The following SLC25A13 variants were observed in gnomAD, a reference collection of about 807,000 sequenced individuals.
SLC25A13 encodes electrogenic aspartate/glutamate antiporter SLC25A13, mitochondrial.
A neutral mutation model predicts 85.5 loss-of-function variants in SLC25A13; 70 were observed. The ratio of observed to expected loss-of-function variants is 0.82; its 90% CI spans 0.68 to 1.00. The LOEUF (loss-of-function observed/expected upper bound fraction) is 1.00. Among genes scored for constraint, SLC25A13 ranks in the 50% least tolerant of loss-of-function variants. The probability of loss-of-function intolerance (pLI) is 0.00; values close to 1 mark genes in which losing one functional copy is unlikely to be tolerated. For missense variants in SLC25A13, 765 were observed against 819.8 expected (o/e 0.93, Z 0.82); for synonymous variants, 259 against 288.7 (o/e 0.90, Z 1.04).
At chr7:96,142,643 T>C (rs1375124877) in intron 14 of SLC25A13, among the ~76,000 whole-genome samples, 4 of 152,192 alleles carry the variant, frequency 2.6e-5, no homozygotes, top group Non-Finnish European at 5.9e-5. Context: ...GATATATTAA[T>C]ATAAAATCTT....
At chr7:96,142,892 A>C (rs1273657345) in intron 14 of SLC25A13, among the ~76,000 whole-genome samples, 1 of 152,258 alleles carries the variant, frequency 6.6e-6, no homozygotes, top group Non-Finnish European at 1.5e-5. Flanking sequence ...TCATTTATAC[A>C]CACATTATAG....
intron 2 of SLC25A13, among the ~76,000 whole-genome samples, chr7:96,292,344 G>A (rs956245055): frequency 2.0e-5 from 3 of 152,108 alleles, no homozygotes; most frequent in Non-Finnish European, 2.9e-5. Flanking sequence ...GCAAAAACTG[G>A]AAGCATTCCC....
chr7:96,151,368 C>G lies in SLC25A13; in HGVS notation c.1312-4672G>C, dbSNP rs183138301. Among the ~76,000 whole-genome samples, 178 of 152,160 alleles carry G rather than the reference C, an allele frequency of 1.2e-3. 1 individual carries two copies. Among genetic ancestry groups the G allele is most frequent in the African/African-American group, 3.9e-3 (164 of 41,526 alleles). ...ATCCCAGCACTTTGGGAGACCAAGG[C>G]AGGTGGATCACCTGAGGTCAGGAGT... On this transcript the variant is annotated intron_variant, in intron 13 of 17. Transcript: ENST00000265631.
intron 1 of SLC25A13, among the ~76,000 whole-genome samples, chr7:96,300,738 C>T (rs1799520247): frequency 6.6e-6 from 1 of 152,178 alleles, no homozygotes; most frequent in Non-Finnish European, 1.5e-5. Flanking sequence ...CAAGATTTCT[C>T]TGAGGCCCAC....
At chr7:96,283,501 C>A in intron 2 of SLC25A13, 1 of 399,302 alleles carries the variant, frequency 2.5e-6, no homozygotes, top group Non-Finnish European at 4.9e-6. Context: ...GAGTACTGTT[C>A]AAAAAGGAAT....
chr7:96,147,489 T>C (rs756031961), intron 13 of SLC25A13, among the ~76,000 whole-genome samples: 4 of 152,222 alleles, frequency 2.6e-5, no homozygotes, highest in Non-Finnish European at 4.4e-5. Flanking sequence ...AAGTACACTA[T>C]AAGGGAAATT....
intron 13 of SLC25A13, among the ~76,000 whole-genome samples, chr7:96,162,926 C>T (rs1056093713): frequency 5.9e-5 from 9 of 152,082 alleles, no homozygotes; most frequent in African/African-American, 1.2e-4. Context: ...TGAGTTTCTG[C>T]CCCCTGCTAC....
At chr7:96,160,348 G>A (rs919560347) in intron 13 of SLC25A13, among the ~76,000 whole-genome samples, 10 of 152,214 alleles carry the variant, frequency 6.6e-5, no homozygotes, top group Non-Finnish European at 1.2e-4. Context: ...TGACATTTCT[G>A]AGCCACTGAA....
chr7:96,155,892 C>T (rs1477608728), intron 13 of SLC25A13, among the ~76,000 whole-genome samples: 1 of 152,224 alleles, frequency 6.6e-6, no homozygotes, highest in African/African-American at 2.4e-5. Context: ...GCAGAGACTT[C>T]TCTTCAAGGT....
In SLC25A13 at chr7:96,162,609, T is replaced by G. The variant is rs1253165972; in HGVS notation, c.1311+7436A>C. Reference sequence around the variant, plus strand: ...AACTGAACAACTTAAGCTAATTAGCTGGGGCTGGGGCAAGGGATGAAAAGA... The same window carrying G: ...AACTGAACAACTTAAGCTAATTAGCGGGGGCTGGGGCAAGGGATGAAAAGA... On this transcript the variant is annotated intron_variant, in intron 13 of 17. Coordinates refer to ENST00000265631, the MANE Select transcript of SLC25A13 (RefSeq NM_014251.3). Among the ~76,000 whole-genome samples the G allele has an allele frequency of 2.6e-5, 4 of 152,130 alleles. No individual in the cohort carries two copies. In the East Asian group the frequency reaches 7.8e-4, roughly 30 times the overall value.
intron 13 of SLC25A13, among the ~76,000 whole-genome samples, chr7:96,157,096 A>G (rs1339208033): frequency 2.0e-5 from 3 of 152,172 alleles, no homozygotes; most frequent in African/African-American, 7.2e-5. Flanking sequence ...TGCATCCAGG[A>G]GTGCTGAGAG....
At chr7:96,279,646 C>T (rs2116946314) in intron 2 of SLC25A13, among the ~76,000 whole-genome samples, 1 of 152,244 alleles carries the variant, frequency 6.6e-6, no homozygotes, top group East Asian at 1.9e-4. Flanking sequence ...GGGATTATTA[C>T]AATTTAAGGT....
chr7:96,174,936 G>A (rs1388397992), intron 11 of SLC25A13, among the ~76,000 whole-genome samples: 2 of 152,228 alleles, frequency 1.3e-5, no homozygotes, highest in African/African-American at 2.4e-5. Flanking sequence ...CTGTCTGCCT[G>A]GTACTGAGAG....
At chr7:96,319,667 A>T (rs1262822116) in intron 1 of SLC25A13, among the ~76,000 whole-genome samples, 1 of 152,138 alleles carries the variant, frequency 6.6e-6, no homozygotes, top group African/African-American at 2.4e-5. Flanking sequence ...ACCTCTAGTA[A>T]GCACATAATG....
intron 5 of SLC25A13, among the ~76,000 whole-genome samples, chr7:96,198,070 C>T (rs1238995704): frequency 1.3e-5 from 2 of 152,108 alleles, no homozygotes; most frequent in African/African-American, 4.8e-5. Context: ...AGAATTTAAC[C>T]TTATCTTTAA....
chr7:96,179,314 T>C (rs924838409), intron 11 of SLC25A13, among the ~76,000 whole-genome samples: 1 of 152,218 alleles, frequency 6.6e-6, no homozygotes, highest in Admixed American at 6.5e-5. Context: ...TCAGCAACAG[T>C]AGCTGGTTAT....
intron 1 of SLC25A13, among the ~76,000 whole-genome samples, chr7:96,307,585 A>G (rs1367734956): frequency 6.6e-6 from 1 of 151,834 alleles, no homozygotes; most frequent in East Asian, 1.9e-4. Flanking sequence ...AAAAAAAAAA[A>G]GTAGGGATGG....
chr7:96,189,207 A>G (rs1794747083), intron 9 of SLC25A13, 87 bp downstream of exon 9: 3 of 1,139,404 alleles, frequency 2.6e-6, no homozygotes, highest in Admixed American at 3.8e-5. Flanking sequence ...TCAGATACCA[A>G]TGCCGCAAAG....
intron 1 of SLC25A13, among the ~76,000 whole-genome samples, chr7:96,298,004 C>T (rs565693629): frequency 1.1e-4 from 17 of 152,256 alleles, no homozygotes; most frequent in African/African-American, 3.9e-4. Flanking sequence ...TTATGTGGAA[C>T]CAAACAGTGG....
Sources: allele counts gnomAD v4.1 joint callset (sites outside exome capture counted in the v4.1 genomes callset), GRCh38; gene constraint gnomAD v4.1.1; transcripts MANE v1.5; gene names NCBI Gene and HGNC (gene_info 2026-07-23, HGNC 2026-07-21).